CLK3: variants seen among roughly 807,000 people sequenced by gnomAD.
CLK3 encodes the protein dual specificity protein kinase CLK3.
Under a neutral mutation model 65.2 loss-of-function variants are expected in CLK3, and 24 were observed. The ratio of observed to expected loss-of-function variants is 0.37; its 90% CI spans 0.27 to 0.52. The LOEUF (loss-of-function observed/expected upper bound fraction) is 0.52, where lower values mean the gene tolerates loss of function less well. Among genes scored for constraint, CLK3 ranks in the 20% least tolerant of loss-of-function variants. The pLI, the probability that CLK3 is intolerant of heterozygous loss-of-function variation, is 0.92. For missense variants in CLK3, 506 were observed against 660.0 expected (o/e 0.77, Z 2.56); for synonymous variants, 252 against 240.8 (o/e 1.05, Z -0.43).
upstream of CLK3, among the ~76,000 whole-genome samples, chr15:74,612,644 C>T (rs775098126): frequency 6.6e-6 from 1 of 152,176 alleles, no homozygotes; most frequent in Non-Finnish European, 1.5e-5. Flanking sequence ...ATGGCACCAT[C>T]GCCCACCAGG....
rs1473435344 is a variant in CLK3 at position 74,624,398 on chromosome 15, A to G, written c.534-504A>G. 1 of 162,052 alleles carries G rather than the reference A, an allele frequency of 6.2e-6. No homozygotes were observed. The highest frequency in any genetic ancestry group is 1.7e-4 in the East Asian group (1 of 5,772). 10.0% of individuals were successfully genotyped at this position (162,052 alleles called of 1,614,324 possible). A position where few individuals can be genotyped will look rare whatever the true frequency, so the allele number is the denominator to read the frequency against. Reference sequence around the variant, plus strand: ...GGGAGTGGCCCTGGGCCTCACAGTGAGAGGTACCCTTGCTGGTACCCCTAC... The same window carrying G: ...GGGAGTGGCCCTGGGCCTCACAGTGGGAGGTACCCTTGCTGGTACCCCTAC... On this transcript the variant is annotated intron_variant, in intron 5 of 12. Coordinates refer to ENST00000395066, the MANE Select transcript of CLK3 (RefSeq NM_001130028.2). The surrounding 1 kb of genome is among the most constrained non-coding windows in gnomAD (Gnocchi z 4.2).
chr15:74,627,925 A>G lies in CLK3; in HGVS notation c.1043-45A>G, dbSNP rs1596291555. 6.8e-7 allele frequency: 1 copy of G among 1,474,240 alleles called. No homozygotes were observed. The highest frequency in any genetic ancestry group is 9.5e-7 in the Non-Finnish European group (1 of 1,052,984). The allele number at this position is 1,474,240 out of a possible 1,614,324, so 91.3% of individuals were successfully genotyped here. A position where few individuals can be genotyped will look rare whatever the true frequency, so the allele number is the denominator to read the frequency against. On this transcript the variant is annotated intron_variant, in intron 9 of 12. Transcript: ENST00000395066. The surrounding 1 kb of genome is among the most constrained non-coding windows in gnomAD (Gnocchi z 4.3). ...GCTGCCTTGTGACTTCCAGGCTGGA[A>G]GCATAAGGCCGGATCTCACAGCCTC... is the stretch of plus-strand genomic sequence containing the variant.
chr15:74,626,012 G>A, intron 7 of CLK3, 44 bp downstream of exon 7: 3 of 1,597,410 alleles, frequency 1.9e-6, no homozygotes, highest in Non-Finnish European at 8.6e-7. Context: ...CCACATGCCT[G>A]CAGCCAAGTC....
rs1046657358 is a variant in CLK3 at position 74,620,537 on chromosome 15, C to T, written c.369+312C>T. The T allele has an allele frequency of 1.2e-5, 6 of 482,538 alleles. No individual in the cohort carries two copies. In the Admixed American group the frequency reaches 1.7e-4, roughly 14 times the overall value. The allele number at this position is 482,538 out of a possible 1,614,324, so 29.9% of individuals were successfully genotyped here. Reference sequence around the variant, plus strand: ...GTGGTGCAAGTGGCTGGGGACACTTCTTAGGACACTTCTTAGGGATCCTAG... The same window carrying T: ...GTGGTGCAAGTGGCTGGGGACACTTTTTAGGACACTTCTTAGGGATCCTAG... On this transcript the variant is annotated intron_variant, in intron 3 of 12. Coordinates refer to ENST00000395066, the MANE Select transcript of CLK3 (RefSeq NM_001130028.2).
upstream of CLK3, among the ~76,000 whole-genome samples, chr15:74,612,378 G>A (rs1259660869): frequency 6.6e-6 from 1 of 152,086 alleles, no homozygotes; most frequent in Non-Finnish European, 1.5e-5. Flanking sequence ...GCTTGGTGAG[G>A]AAGGTCAGAG....
Position 74,620,344 on chromosome 15 carries a change from G to T in CLK3, c.369+119G>T, listed in dbSNP as rs116177097. ...GCCCTGTGCACGTGCACTGGTGTGC[G>T]TGCATGTGTGTGTGTATGTGTTGTC... is the stretch of plus-strand genomic sequence containing the variant. On this transcript the variant is annotated intron_variant, in intron 3 of 12. Transcript: ENST00000395066. The T allele has an allele frequency of 2.2e-6, 3 of 1,339,420 alleles. No individual in the cohort carries two copies. The Admixed American group carries it at 5.7e-5, about 25-fold the overall frequency. 83.0% of individuals were successfully genotyped at this position (1,339,420 alleles called of 1,614,324 possible). A position where few individuals can be genotyped will look rare whatever the true frequency, so the allele number is the denominator to read the frequency against.
At position 74,615,851 on chromosome 15, in the gene CLK3, G is replaced by T; in HGVS notation, c.-48G>T. On this transcript the variant is annotated 5_prime_UTR_variant, in exon 1 of 13. Transcript: ENST00000395066. ...GGTCGCAGCCGGAAGCGGAAGAGGCGCTCGGAGCGGGGAGTGGGGCCTAGC... is the reference window on the plus strand; with the variant it reads ...GGTCGCAGCCGGAAGCGGAAGAGGCTCTCGGAGCGGGGAGTGGGGCCTAGC... 1.6e-6 allele frequency: 2 copies of T among 1,254,760 alleles called. No homozygotes were observed. The highest frequency in any genetic ancestry group is 2.0e-6 in the Non-Finnish European group (2 of 999,452). The allele number at this position is 1,254,760 out of a possible 1,614,324, so 77.7% of individuals were successfully genotyped here.
chr15:74,610,247 A>T (rs2061970946), intron 1 of CLK3, among the ~76,000 whole-genome samples: 1 of 152,148 alleles, frequency 6.6e-6, no homozygotes. Flanking sequence ...GGTAGAAGGG[A>T]TGGTCTGCCT....
Position 74,629,047 on chromosome 15 carries a change from A to T in CLK3, c.1296+15A>T. On this transcript the variant is annotated intron_variant, in intron 12 of 12. Coordinates refer to ENST00000395066, the MANE Select transcript of CLK3 (RefSeq NM_001130028.2). ...AACCTCTGAAGGTCAGTTTCTGGCTACCCCCAGCTGAACTCATGCCAAGGA... is the reference window on the plus strand; with the variant it reads ...AACCTCTGAAGGTCAGTTTCTGGCTTCCCCCAGCTGAACTCATGCCAAGGA... 7 of 1,594,330 alleles carry T rather than the reference A, an allele frequency of 4.4e-6. No homozygotes were observed. Among genetic ancestry groups the T allele is most frequent in the Non-Finnish European group, 6.0e-6 (7 of 1,161,958 alleles).
At chr15:74,623,357 G>A (rs185182561) in intron 5 of CLK3, among the ~76,000 whole-genome samples, 82 of 152,270 alleles carry the variant, frequency 5.4e-4, no homozygotes, top group African/African-American at 1.4e-3. Flanking sequence ...TGGCCCTCTC[G>A]CTATTTCAGA....
Position 74,629,853 on chromosome 15 carries a change from C to T in CLK3, c.1443C>T (p.Ser481=). 6.2e-7 allele frequency: 1 copy of T among 1,609,280 alleles called. No homozygotes were observed. The highest frequency in any genetic ancestry group is 1.3e-5 in the African/African-American group (1 of 74,904). ...CTGGCCTGACCCCTGAGGAGCGGTC[C>T]TTCCACACCAGCCGCAACCCAAGCA... ...FFAGLTPEER[S]FHTSRNPSR Residue 481 remains serine, a synonymous_variant, in exon 13 of 13, where the codon TCC becomes TCT. Transcript: ENST00000395066.
intron 7 of CLK3, among the ~76,000 whole-genome samples, chr15:74,626,181 C>A (rs1482948061): frequency 6.6e-6 from 1 of 152,180 alleles, no homozygotes; most frequent in Non-Finnish European, 1.5e-5. Context: ...ACCTCCTGGA[C>A]CAGCCTCTCT....
Position 74,619,363 on chromosome 15 carries a change from G to C in CLK3, c.152+15G>C. ...CGGTCCAGAAGGTGAGAGGGAACTAGATAGGAGGGAAAGACTCCTTCTGTC... is the reference window on the plus strand; with the variant it reads ...CGGTCCAGAAGGTGAGAGGGAACTACATAGGAGGGAAAGACTCCTTCTGTC... On this transcript the variant is annotated intron_variant, in intron 2 of 12. Transcript: ENST00000395066. The C allele has an allele frequency of 6.2e-7, 1 of 1,613,554 alleles. No homozygotes were observed. The highest frequency in any genetic ancestry group is 8.5e-7 in the Non-Finnish European group (1 of 1,179,646).
At chr15:74,615,818 C>T, upstream of CLK3, 1 of 1,246,006 alleles carries the variant, frequency 8.0e-7, no homozygotes, top group Non-Finnish European at 1.0e-6. Context: ...GGGGCTGCCA[C>T]GGGCGGAGGT....
Position 74,627,871 on chromosome 15 carries a change from G to T in CLK3, c.1043-99G>T. The stretch of plus-strand genomic sequence containing the variant: ...GAGAGAGGGCCTCGTACTGGGATTT[G>T]GGCAAGAGTCCTGCCAGCCGGTGTG... On this transcript the variant is annotated intron_variant, in intron 9 of 12. Coordinates refer to ENST00000395066, the MANE Select transcript of CLK3 (RefSeq NM_001130028.2). This position sits in a 1 kb window ranked among gnomAD's most constrained non-coding sequence, Gnocchi z 4.3. The T allele has an allele frequency of 8.2e-7, 1 of 1,213,086 alleles. No individual in the cohort carries two copies. The highest frequency in any genetic ancestry group is 1.2e-6 in the Non-Finnish European group (1 of 824,196). 75.1% of individuals were successfully genotyped at this position (1,213,086 alleles called of 1,614,324 possible).
Position 74,628,627 on chromosome 15 carries a change from G to A in CLK3, c.1149G>A (p.Leu383=), listed in dbSNP as rs55726155. The change falls in exon 11 of 13, where the codon CTG becomes CTA. Residue 383 remains leucine (L), a synonymous_variant. Coordinates refer to ENST00000395066, the MANE Select transcript of CLK3 (RefSeq NM_001130028.2). ...LFQTHENREH[L]VMMEKILGPI... is the part of the protein sequence containing the mutation. ...AGACCCACGAAAACCGAGAGCACCTGGTGATGATGGAGAAGATCCTAGGGC... is the reference window on the plus strand; with the variant it reads ...AGACCCACGAAAACCGAGAGCACCTAGTGATGATGGAGAAGATCCTAGGGC... 2.1e-3 allele frequency: 3,351 copies of A among 1,613,696 alleles called. 26 individuals are homozygous for A. In the East Asian group the frequency reaches 0.022, roughly 10 times the overall value.
chr15:74,608,381 G>A (rs2061939704), exon 1 of CLK3: 1 of 152,488 alleles, frequency 6.6e-6, no homozygotes, highest in African/African-American at 2.4e-5. Context: ...AGGGGCACTG[G>A]TACCTCCAGG....
Position 74,627,748 on chromosome 15 carries a change from T to C in CLK3, c.1042+80T>C. 1 of 1,578,276 alleles carries C rather than the reference T, an allele frequency of 6.3e-7. No individual in the cohort carries two copies. The highest frequency in any genetic ancestry group is 1.3e-5 in the African/African-American group (1 of 74,432). ...ATGAGCAGAGGCAGTGGCATGCCTGTCATTCTCTGCCACCCAGGGCAGGCA... is the reference window on the plus strand; with the variant it reads ...ATGAGCAGAGGCAGTGGCATGCCTGCCATTCTCTGCCACCCAGGGCAGGCA... On this transcript the variant is annotated intron_variant, in intron 9 of 12. Transcript: ENST00000395066. This position sits in a 1 kb window ranked among gnomAD's most constrained non-coding sequence, Gnocchi z 4.3.
intron 1 of CLK3, among the ~76,000 whole-genome samples, chr15:74,608,951 G>C (rs1450184868): frequency 6.6e-6 from 1 of 152,210 alleles, no homozygotes; most frequent in Non-Finnish European, 1.5e-5. Context: ...TTGGCCCGGG[G>C]CCACACCCAG....
Sources: allele counts gnomAD v4.1 joint callset (sites outside exome capture counted in the v4.1 genomes callset), GRCh38; gene constraint gnomAD v4.1.1; non-coding constraint Gnocchi (gnomAD v3.1); transcripts MANE v1.5; gene names NCBI Gene and HGNC (gene_info 2026-07-23, HGNC 2026-07-21).